CORIN: variants seen among roughly 807,000 people sequenced by gnomAD.
The protein encoded by CORIN is atrial natriuretic peptide-converting enzyme.
Under a neutral mutation model 125.3 loss-of-function variants are expected in CORIN, and 117 were observed. The ratio of observed to expected loss-of-function variants is 0.93; its 90% confidence interval spans 0.80 to 1.09. The LOEUF is 1.09. CORIN is among the 50% of genes least tolerant of loss of function. CORIN has a pLI of 0.00. For missense variants in CORIN, 1,253 were observed against 1,306.7 expected (o/e 0.96, Z 0.63); for synonymous variants, 450 against 466.4 (o/e 0.96, Z 0.45).
intron 5 of CORIN, among the ~76,000 whole-genome samples, chr4:47,708,706 T>C (rs1170687272): frequency 6.6e-6 from 1 of 152,190 alleles, no homozygotes; most frequent in Non-Finnish European, 1.5e-5. Context: ...TGCCCTCTTC[T>C]TCCCTCCTAT....
chr4:47,616,619 T>C (rs1178608676), intron 19 of CORIN, among the ~76,000 whole-genome samples: 2 of 152,174 alleles, frequency 1.3e-5, no homozygotes, highest in South Asian at 2.1e-4. Flanking sequence ...GACTGCAAGA[T>C]GGAAGTCATT....
At chr4:47,790,068 G>T (rs1163749745) in intron 2 of CORIN, among the ~76,000 whole-genome samples, 1 of 152,144 alleles carries the variant, frequency 6.6e-6, no homozygotes, top group Non-Finnish European at 1.5e-5. Flanking sequence ...CCAAAGTAGA[G>T]TATTTATTCT....
intron 5 of CORIN, among the ~76,000 whole-genome samples, chr4:47,700,121 C>T (rs1726219105): frequency 6.6e-6 from 1 of 152,156 alleles, no homozygotes; most frequent in African/African-American, 2.4e-5. Flanking sequence ...TTGTCAAAAA[C>T]AAGTTTGAAA....
At chr4:47,625,278 T>C (rs1722506336) in intron 17 of CORIN, among the ~76,000 whole-genome samples, 1 of 152,114 alleles carries the variant, frequency 6.6e-6, no homozygotes, top group Non-Finnish European at 1.5e-5. Context: ...TTTGTTAGAT[T>C]GAAAACACAT....
chr4:47,717,941 G>A (rs778424526), intron 5 of CORIN, among the ~76,000 whole-genome samples: 11 of 152,040 alleles, frequency 7.2e-5, no homozygotes, highest in Non-Finnish European at 1.0e-4. Context: ...TCACACCACC[G>A]AAGTGATAAA....
chr4:47,630,022 C>G (rs989483900), intron 16 of CORIN, among the ~76,000 whole-genome samples: 1 of 152,136 alleles, frequency 6.6e-6, no homozygotes, highest in African/African-American at 2.4e-5. Context: ...ATTGACAGCA[C>G]ACCATGTTCT....
intron 1 of CORIN, among the ~76,000 whole-genome samples, chr4:47,809,806 T>C (rs760405196): frequency 6.6e-6 from 1 of 152,346 alleles, no homozygotes; most frequent in Non-Finnish European, 1.5e-5. Flanking sequence ...ATAACTTTCC[T>C]CTTGCACTCA....
chr4:47,608,679 A>G (rs1020217153), intron 19 of CORIN, among the ~76,000 whole-genome samples: 1 of 152,246 alleles, frequency 6.6e-6, no homozygotes, highest in African/African-American at 2.4e-5. Flanking sequence ...TACTTCATAG[A>G]CAATATTGAG....
chr4:47,595,645 T>C lies in CORIN; in HGVS notation c.*76A>G. The stretch of plus-strand genomic sequence containing the variant: ...TGAAAAGTGCTTCTGTACAGCTCTC[T>C]GCAGGCAGCTCTTCACAGTCAAGAA... On this transcript the variant is annotated 3_prime_UTR_variant, in exon 22 of 22. Transcript: ENST00000273857. The C allele has an allele frequency of 2.5e-6, 3 of 1,195,096 alleles. No homozygotes were observed. Among genetic ancestry groups the C allele is most frequent in the Admixed American group, 2.3e-5 (1 of 43,580 alleles). The allele number at this position is 1,195,096 out of a possible 1,614,324, so 74.0% of individuals were successfully genotyped here. A position where few individuals can be genotyped will look rare whatever the true frequency, so the allele number is the denominator to read the frequency against.
intron 11 of CORIN, among the ~76,000 whole-genome samples, 181 bp from the exon 12 acceptor site, chr4:47,662,037 A>T (rs1724273288): frequency 6.6e-6 from 1 of 152,212 alleles, no homozygotes; most frequent in African/African-American, 2.4e-5. Flanking sequence ...TATCTCTGCA[A>T]AGAGTATACA....
chr4:47,635,622 AG>A (rs1722990470), intron 16 of CORIN, among the ~76,000 whole-genome samples: 1 of 152,218 alleles, frequency 6.6e-6, no homozygotes, highest in African/African-American at 2.4e-5. Flanking sequence ...AGAGGAAGGC[AG>A]GGGCCAAATT....
At chr4:47,824,911 G>C (rs1465301658) in intron 1 of CORIN, among the ~76,000 whole-genome samples, 1 of 152,244 alleles carries the variant, frequency 6.6e-6, no homozygotes, top group African/African-American at 2.4e-5. Flanking sequence ...CTTACCCAAC[G>C]TGGGCAGCTG....
At chr4:47,727,563 C>T (rs1727653369) in intron 5 of CORIN, among the ~76,000 whole-genome samples, 2 of 151,952 alleles carry the variant, frequency 1.3e-5, no homozygotes, top group Non-Finnish European at 2.9e-5. Context: ...CCATTTTATG[C>T]ACAGTTTTGT....
intron 1 of CORIN, among the ~76,000 whole-genome samples, chr4:47,834,699 T>C (rs1577964955): frequency 6.6e-6 from 1 of 152,338 alleles, no homozygotes; most frequent in East Asian, 1.9e-4. Flanking sequence ...GTGGTGACGG[T>C]TTTATAGATG....
intron 5 of CORIN, among the ~76,000 whole-genome samples, chr4:47,723,077 C>T (rs1727429669): frequency 6.6e-6 from 1 of 152,176 alleles, no homozygotes; most frequent in African/African-American, 2.4e-5. Context: ...GGGGAGTCCC[C>T]TGAGACATCT....
intron 5 of CORIN, among the ~76,000 whole-genome samples, chr4:47,719,927 G>A (rs902183696): frequency 2.0e-5 from 3 of 152,140 alleles, no homozygotes; most frequent in Non-Finnish European, 4.4e-5. Flanking sequence ...TGTTGCCCAC[G>A]ACTTTTGAGT....
At position 47,742,835 on chromosome 4, in the gene CORIN, T is replaced by C. The variant is rs1452225452; in HGVS notation, c.799+1567A>G. Among the ~76,000 whole-genome samples, 2 of 152,104 alleles carry C rather than the reference T, an allele frequency of 1.3e-5. 1 individual carries two copies. The highest frequency in any genetic ancestry group is 1.3e-4 in the Admixed American group (2 of 15,266). ...GAACAAAGATAGAGGACATATAATA[T>C]TCAATATAAAGATGCTATAAAACTA... On this transcript the variant is annotated intron_variant, in intron 5 of 21. Transcript: ENST00000273857.
intron 16 of CORIN, among the ~76,000 whole-genome samples, chr4:47,635,464 G>A (rs1163409921): frequency 6.6e-6 from 1 of 152,170 alleles, no homozygotes; most frequent in Admixed American, 6.5e-5. Flanking sequence ...GAATGATGAA[G>A]CCCTAGAGTT....
At chr4:47,622,560 T>C (rs1250925016) in intron 19 of CORIN, among the ~76,000 whole-genome samples, 1 of 151,952 alleles carries the variant, frequency 6.6e-6, no homozygotes, top group Non-Finnish European at 1.5e-5. Context: ...TGTGAGATGG[T>C]ATCTCATTGT....
Sources: allele counts gnomAD v4.1 joint callset (sites outside exome capture counted in the v4.1 genomes callset), GRCh38; gene constraint gnomAD v4.1.1; transcripts MANE v1.5; gene names NCBI Gene and HGNC (gene_info 2026-07-23, HGNC 2026-07-21).